The following WNK2 variants were observed in gnomAD, a reference collection of about 807,000 sequenced individuals.
WNK2 encodes WNK lysine deficient protein kinase 2.
WNK2 carries 67 observed loss-of-function variants against 192.1 expected under a neutral mutation model. The ratio of observed to expected loss-of-function variants is 0.35; its 90% CI spans 0.29 to 0.43. The LOEUF (loss-of-function observed/expected upper bound fraction) is 0.43. Ranked by LOEUF, WNK2 falls within the 20% of genes least tolerant of loss-of-function variation. The pLI, the probability that WNK2 is intolerant of heterozygous loss-of-function variation, is 1.00. For synonymous variants in WNK2, 1,439 were observed against 1,393.9 expected (o/e 1.03, Z -0.72); for missense variants, 2,698 against 3,089.7 (o/e 0.87, Z 3.01).
intron 2 of WNK2, among the ~76,000 whole-genome samples, chr9:93,215,320 G>C (rs1381773571): frequency 6.6e-6 from 1 of 152,050 alleles, no homozygotes; most frequent in Non-Finnish European, 1.5e-5. Flanking sequence ...ATGTTGGCCA[G>C]GCTGGTCTCG....
At chr9:93,188,326 C>T (rs552169795) in intron 2 of WNK2, among the ~76,000 whole-genome samples, 2 of 152,302 alleles carry the variant, frequency 1.3e-5, no homozygotes, top group East Asian at 3.9e-4. Flanking sequence ...GAAACGCCTT[C>T]ATGTGGACCT....
At chr9:93,219,111 T>A (rs1836321270) in intron 2 of WNK2, among the ~76,000 whole-genome samples, 1 of 152,228 alleles carries the variant, frequency 6.6e-6, no homozygotes, top group Non-Finnish European at 1.5e-5. Context: ...CACCTGGATG[T>A]CCCTGGAGGG....
chr9:93,267,860 TCCGACCCAGGG>T lies in WNK2; in HGVS notation c.3812_3822del (p.Ser1271TyrfsTer46), dbSNP rs1235767601. On this transcript the variant is annotated frameshift_variant, in exon 17 of 30. Coordinates refer to ENST00000427277, the MANE Select transcript of WNK2 (RefSeq NM_006648.4). LOFTEE classifies it high-confidence loss of function. The stretch of plus-strand genomic sequence containing the variant: ...CGAGGACACAGACGCCGACCGTGGC[TCCGACCCAGGG>T]ACCAGCCCGCCACACCTCAGCACCT... 1 of 1,611,008 alleles carries T rather than the reference TCCGACCCAGGG, an allele frequency of 6.2e-7. No homozygotes were observed. Among genetic ancestry groups the T allele is most frequent in the Admixed American group, 1.7e-5 (1 of 59,710 alleles).
intron 2 of WNK2, among the ~76,000 whole-genome samples, chr9:93,215,969 G>C (rs891954512): frequency 1.3e-5 from 2 of 152,038 alleles, no homozygotes; most frequent in African/African-American, 4.8e-5. Context: ...ACTTTTTACC[G>C]CCTCTAGTAG....
At chr9:93,290,894 C>T (rs1849243961) in intron 21 of WNK2, among the ~76,000 whole-genome samples, 1 of 152,198 alleles carries the variant, frequency 6.6e-6, no homozygotes, top group Non-Finnish European at 1.5e-5. Context: ...CCGGACTGAT[C>T]TTGTGAGGTC....
intron 16 of WNK2, 82 bp downstream of exon 16, chr9:93,264,115 C>G: frequency 9.2e-7 from 1 of 1,090,494 alleles, no homozygotes; most frequent in Non-Finnish European, 1.4e-6. Flanking sequence ...GGTCACATGT[C>G]GAGCCTGGCC....
chr9:93,299,337 G>A (rs1851188625), intron 25 of WNK2, 76 bp downstream of exon 25: 42 of 1,470,334 alleles, frequency 2.9e-5, no homozygotes, highest in Admixed American at 4.7e-5. Context: ...GAGCACGCCC[G>A]TGTTGTGTAG....
At chr9:93,196,376 G>C (rs971496752) in intron 2 of WNK2, among the ~76,000 whole-genome samples, 1 of 152,136 alleles carries the variant, frequency 6.6e-6, no homozygotes, top group Non-Finnish European at 1.5e-5. Context: ...TCTGGAGATG[G>C]CCATGTGACA....
chr9:93,186,757 C>T (rs80169703), intron 2 of WNK2, among the ~76,000 whole-genome samples: 2,110 of 152,314 alleles, frequency 0.014, 42 homozygotes, highest in African/African-American at 0.043. Flanking sequence ...GTCGACCTGT[C>T]GTCAGCCTTT....
At chr9:93,263,833 GGAGGGGTACTTGGGGGT>G in intron 15 of WNK2, 67 bp from the exon 16 acceptor site, 1 of 529,366 alleles carries the variant, frequency 1.9e-6, no homozygotes, top group African/African-American at 4.0e-5. Flanking sequence ...GGGGTGGGGG[GGAGGGGTACTTGGGGGT>G]GTGTGGGGGT....
At chr9:93,238,164 C>T in intron 5 of WNK2, 69 bp from the exon 6 acceptor site, 1 of 1,430,368 alleles carries the variant, frequency 7.0e-7, no homozygotes, top group East Asian at 2.3e-5. Context: ...GGGAGTTCCT[C>T]CCACTGTGGT....
chr9:93,304,074 C>T (rs1014902064), intron 26 of WNK2, among the ~76,000 whole-genome samples: 7 of 152,170 alleles, frequency 4.6e-5, no homozygotes, highest in Non-Finnish European at 8.8e-5. Context: ...AGGTGAAAAG[C>T]GAATGTGGGG....
intron 2 of WNK2, among the ~76,000 whole-genome samples, chr9:93,209,894 G>T (rs1834177950): frequency 6.6e-6 from 1 of 152,214 alleles, no homozygotes; most frequent in Non-Finnish European, 1.5e-5. Flanking sequence ...CTCTGACTGG[G>T]GGATTGGTGG....
intron 8 of WNK2, among the ~76,000 whole-genome samples, chr9:93,249,907 ATTTTTTTTTTTTTTTT>A (rs58293954): frequency 2.3e-5 from 2 of 85,444 alleles, no homozygotes; most frequent in Non-Finnish European, 4.1e-5. Context: ...GATGCTACCA[ATTTTTTTTTTTTTTTT>A]TTTTTTTTTT....
At chr9:93,262,820 A>G (rs1274294683) in intron 14 of WNK2, 101 bp downstream of exon 14, 17 of 1,375,878 alleles carry the variant, frequency 1.2e-5, no homozygotes, top group Non-Finnish European at 1.6e-5. Context: ...GGAACCCACT[A>G]TAGTTTGCCC....
At chr9:93,315,136 G>A (rs1436572610) in intron 28 of WNK2, among the ~76,000 whole-genome samples, 2 of 152,142 alleles carry the variant, frequency 1.3e-5, no homozygotes, top group East Asian at 3.9e-4. Flanking sequence ...CACGTTTCAT[G>A]TCGCTATAGT....
chr9:93,200,225 G>A (rs1461929688), intron 2 of WNK2, among the ~76,000 whole-genome samples: 5 of 152,298 alleles, frequency 3.3e-5, no homozygotes, highest in East Asian at 1.9e-4. Context: ...GGGCCTCCTC[G>A]AGGCCTGGCC....
intron 29 of WNK2, chr9:93,317,997 C>T: frequency 1.2e-6 from 2 of 1,612,814 alleles, no homozygotes; most frequent in Non-Finnish European, 1.7e-6. Flanking sequence ...AGACTGCTTC[C>T]TTTGCGGCTT....
At chr9:93,211,379 A>G (rs1834662977) in intron 2 of WNK2, among the ~76,000 whole-genome samples, 1 of 145,006 alleles carries the variant, frequency 6.9e-6, no homozygotes. Context: ...TCACTCACAC[A>G]TTCACTCACT....
Sources: gnomAD v4.1 joint callset for allele counts (sites outside exome capture counted in the v4.1 genomes callset) on GRCh38, gnomAD v4.1.1 for gene constraint, MANE v1.5 for transcripts, NCBI Gene and HGNC (gene_info 2026-07-23, HGNC 2026-07-21) for gene names.